The following DPP10 variants were observed in gnomAD, a reference collection of about 807,000 sequenced individuals.
DPP10 encodes the protein inactive dipeptidyl peptidase 10.
Under a neutral mutation model 120.9 loss-of-function variants are expected in DPP10, and 33 were observed. The ratio of observed to expected loss-of-function variants is 0.27; its 90% CI spans 0.21 to 0.37. The LOEUF (loss-of-function observed/expected upper bound fraction) is 0.37, where lower values mean the gene tolerates loss of function less well. Among genes scored for constraint, DPP10 ranks in the 10% least tolerant of loss-of-function variants. The pLI is 1.00. For synonymous variants in DPP10, 337 were observed against 326.1 expected (o/e 1.03, Z -0.36); for missense variants, 816 against 942.8 (o/e 0.87, Z 1.76).
intron 1 of DPP10, among the ~76,000 whole-genome samples, chr2:115,265,664 G>A (rs975500242): frequency 6.6e-6 from 1 of 152,124 alleles, no homozygotes; most frequent in Non-Finnish European, 1.5e-5. Flanking sequence ...GTGTATAATA[G>A]CACTTTAAGA....
At chr2:115,368,654 C>T (rs953330612) in intron 3 of DPP10, among the ~76,000 whole-genome samples, 6 of 151,780 alleles carry the variant, frequency 4.0e-5, no homozygotes, top group Non-Finnish European at 7.4e-5. Context: ...TAAAGTGTGG[C>T]AATTCCAGTT....
chr2:114,898,505 AAAAT>A (rs948853934), intron 1 of DPP10, among the ~76,000 whole-genome samples: 1 of 150,098 alleles, frequency 6.7e-6, no homozygotes, highest in African/African-American at 2.5e-5. Context: ...TAATAATAAC[AAAAT>A]AAAAAAAAAA....
At chr2:115,807,138 TACTC>T (rs1212894395) in intron 19 of DPP10, among the ~76,000 whole-genome samples, 10 of 152,194 alleles carry the variant, frequency 6.6e-5, no homozygotes, top group African/African-American at 2.4e-4. Context: ...CCTTTCTACT[TACTC>T]ACTCACACTG....
intron 1 of DPP10, among the ~76,000 whole-genome samples, chr2:115,201,633 A>G (rs777252083): frequency 3.3e-5 from 5 of 152,170 alleles, no homozygotes; most frequent in Non-Finnish European, 5.9e-5. Context: ...AGGAAACAAG[A>G]ATGATTCTTT....
chr2:115,654,766 G>T (rs2088136338), intron 5 of DPP10, among the ~76,000 whole-genome samples: 1 of 151,680 alleles, frequency 6.6e-6, no homozygotes, highest in Admixed American at 6.6e-5. Context: ...ATATCTCTCA[G>T]TCTCAATGTG....
At chr2:115,357,627 C>A (rs1414922762) in intron 3 of DPP10, among the ~76,000 whole-genome samples, 1 of 152,164 alleles carries the variant, frequency 6.6e-6, no homozygotes, top group East Asian at 1.9e-4. Context: ...GGATGGTGGG[C>A]CCCTTCTCAC....
chr2:115,252,194 A>G (rs1426511284), intron 1 of DPP10, among the ~76,000 whole-genome samples: 2 of 152,162 alleles, frequency 1.3e-5, no homozygotes, highest in Non-Finnish European at 2.9e-5. Flanking sequence ...CTTAGTAGAT[A>G]CTCTCGTGAA....
At chr2:115,198,102 A>G (rs184818639) in intron 1 of DPP10, among the ~76,000 whole-genome samples, 2 of 152,214 alleles carry the variant, frequency 1.3e-5, no homozygotes, top group Admixed American at 6.5e-5. Flanking sequence ...CTTAGTAATC[A>G]TATTAATCTT....
At chr2:115,602,770 C>T (rs144698489) in intron 5 of DPP10, among the ~76,000 whole-genome samples, 1 of 152,250 alleles carries the variant, frequency 6.6e-6, no homozygotes, top group Non-Finnish European at 1.5e-5. Flanking sequence ...CAGAGCTTTG[C>T]TAATTGCATT....
intron 1 of DPP10, among the ~76,000 whole-genome samples, chr2:115,088,764 A>AAAAAAC (rs1708974215): frequency 6.6e-6 from 1 of 150,482 alleles, no homozygotes; most frequent in Admixed American, 6.6e-5. Flanking sequence ...AAAAAAAAAA[A>AAAAAAC]AAAAACCAAA....
chr2:115,591,907 T>C lies in DPP10; in HGVS notation c.441+65935T>C, dbSNP rs190035178. Reference sequence around the variant, plus strand: ...GTTGGATTCCTATCCTATCCTATTTTATTCTCTTTGAAGCAATTGTGAATG... The same window carrying C: ...GTTGGATTCCTATCCTATCCTATTTCATTCTCTTTGAAGCAATTGTGAATG... On this transcript the variant is annotated intron_variant, in intron 5 of 25. Transcript: ENST00000410059. Among the ~76,000 whole-genome samples, 995 of 152,308 alleles carry C rather than the reference T, an allele frequency of 6.5e-3. 6 individuals are homozygous for C. The highest frequency in any genetic ancestry group is 0.014 in the Middle Eastern group (4 of 294).
intron 21 of DPP10, among the ~76,000 whole-genome samples, chr2:115,835,881 T>A (rs1689434049): frequency 6.6e-6 from 1 of 152,044 alleles, no homozygotes. Flanking sequence ...TATTTGACAT[T>A]TGGTGATGTA....
At chr2:114,504,508 T>G (rs1326736356) in intron 1 of DPP10, among the ~76,000 whole-genome samples, 1 of 152,162 alleles carries the variant, frequency 6.6e-6, no homozygotes, top group East Asian at 1.9e-4. Context: ...GCCTGCCTTA[T>G]GCTATTGCTT....
At chr2:115,768,506 C>T in intron 13 of DPP10, 102 bp downstream of exon 13, 2 of 954,336 alleles carry the variant, frequency 2.1e-6, no homozygotes, top group Non-Finnish European at 1.6e-6. Flanking sequence ...GTGGTGAAAC[C>T]CAGCCATATA....
intron 1 of DPP10, among the ~76,000 whole-genome samples, chr2:114,696,529 G>A (rs1484163240): frequency 6.6e-6 from 1 of 151,864 alleles, no homozygotes; most frequent in Non-Finnish European, 1.5e-5. Flanking sequence ...TTTTAACAAT[G>A]GAAATTTTAA....
At chr2:115,211,665 G>T (rs1296638849) in intron 1 of DPP10, among the ~76,000 whole-genome samples, 1 of 151,568 alleles carries the variant, frequency 6.6e-6, no homozygotes, top group South Asian at 2.1e-4. Context: ...AGATGCTAAC[G>T]GTCCTTTTTT....
At chr2:114,926,358 AG>A (rs1208726227) in intron 1 of DPP10, among the ~76,000 whole-genome samples, 1 of 152,204 alleles carries the variant, frequency 6.6e-6, no homozygotes, top group Non-Finnish European at 1.5e-5. Context: ...TGACAATAAT[AG>A]AGTTTCACCT....
At chr2:115,135,669 C>T (rs1158499053) in intron 1 of DPP10, among the ~76,000 whole-genome samples, 2 of 152,116 alleles carry the variant, frequency 1.3e-5, no homozygotes, top group East Asian at 1.9e-4. Context: ...CATGGAAAAT[C>T]GGGCCTTTTT....
At chr2:115,429,408 G>A (rs981190244) in intron 3 of DPP10, among the ~76,000 whole-genome samples, 1 of 152,012 alleles carries the variant, frequency 6.6e-6, no homozygotes, top group African/African-American at 2.4e-5. Context: ...AAATGACAAG[G>A]CAATATGTGA....
Sources: allele counts gnomAD v4.1 joint callset (sites outside exome capture counted in the v4.1 genomes callset), GRCh38; gene constraint gnomAD v4.1.1; transcripts MANE v1.5; gene names NCBI Gene and HGNC (gene_info 2026-07-23, HGNC 2026-07-21).